The following CACNA2D3 variants were observed in gnomAD, a reference collection of about 807,000 sequenced individuals.
The protein encoded by CACNA2D3 is calcium voltage-gated channel auxiliary subunit alpha2delta 3.
Under a neutral mutation model 160.6 loss-of-function variants are expected in CACNA2D3, and 60 were observed. The observed-to-expected ratio is 0.37, with a 90% CI of 0.30 to 0.46. The LOEUF (loss-of-function observed/expected upper bound fraction) is 0.46, where lower values mean the gene tolerates loss of function less well. Ranked by LOEUF, CACNA2D3 falls within the 20% of genes least tolerant of loss-of-function variation. The probability of loss-of-function intolerance (pLI) is 1.00; values close to 1 mark genes in which losing one functional copy is unlikely to be tolerated. For missense variants in CACNA2D3, 1,205 were observed against 1,365.0 expected, an observed-to-expected ratio of 0.88 and a Z score of 1.85; for synonymous variants, 558 against 492.9, an observed-to-expected ratio of 1.13 and a Z score of -1.75.
At chr3:54,356,568 GC>G (rs1698652867) in intron 3 of CACNA2D3, among the ~76,000 whole-genome samples, 1 of 152,122 alleles carries the variant, frequency 6.6e-6, no homozygotes, top group Non-Finnish European at 1.5e-5. Context: ...AATAATGTGG[GC>G]TGGCTCACAG....
chr3:54,756,794 A>G (rs1052302427), intron 12 of CACNA2D3, among the ~76,000 whole-genome samples: 2 of 152,124 alleles, frequency 1.3e-5, no homozygotes, highest in Non-Finnish European at 2.9e-5. Flanking sequence ...GATCTCAGAC[A>G]CTTTCCTCTG....
intron 5 of CACNA2D3, among the ~76,000 whole-genome samples, chr3:54,511,452 C>T (rs1701457582): frequency 6.6e-6 from 1 of 152,112 alleles, no homozygotes; most frequent in Non-Finnish European, 1.5e-5. Context: ...TACAGGCCAT[C>T]ACAAATGGTT....
rs575086791 is a variant in CACNA2D3 at position 54,239,229 on chromosome 3, T to C, written c.205-81213T>C. Among the ~76,000 whole-genome samples, 4 of 152,296 alleles carry C rather than the reference T, an allele frequency of 2.6e-5. No individual in the cohort carries two copies. The East Asian group carries it at 5.8e-4, about 22-fold the overall frequency. On this transcript the variant is annotated intron_variant, in intron 2 of 37. Coordinates refer to ENST00000474759, the MANE Select transcript of CACNA2D3 (RefSeq NM_018398.3). ...AAGGCTCTTGAAGAACAGGAAAAAT[T>C]AGGCATTGAATTTTTGAGTTGCTTT... is the stretch of plus-strand genomic sequence containing the variant.
At chr3:54,561,421 G>A (rs757466418) in intron 5 of CACNA2D3, among the ~76,000 whole-genome samples, 42 of 152,200 alleles carry the variant, frequency 2.8e-4, no homozygotes, top group Non-Finnish European at 5.6e-4. Context: ...TTTGCACATT[G>A]ATGTTGTATC....
At chr3:54,428,830 T>A (rs1699946369) in intron 4 of CACNA2D3, among the ~76,000 whole-genome samples, 1 of 151,954 alleles carries the variant, frequency 6.6e-6, no homozygotes, top group Non-Finnish European at 1.5e-5. Flanking sequence ...TTAACATAAT[T>A]TATCTAGTTA....
At chr3:54,668,900 A>G (rs1377791351) in intron 11 of CACNA2D3, among the ~76,000 whole-genome samples, 1 of 152,240 alleles carries the variant, frequency 6.6e-6, no homozygotes, top group Non-Finnish European at 1.5e-5. Flanking sequence ...TAGCATTTTT[A>G]GATGCTGTTC....
intron 9 of CACNA2D3, among the ~76,000 whole-genome samples, chr3:54,606,038 C>G (rs1243600473): frequency 1.3e-5 from 2 of 152,052 alleles, no homozygotes; most frequent in African/African-American, 4.8e-5. Flanking sequence ...ACTATTCTTC[C>G]TTTTTCTTTA....
intron 2 of CACNA2D3, among the ~76,000 whole-genome samples, chr3:54,307,515 C>A (rs1401237134): frequency 2.0e-5 from 3 of 152,144 alleles, no homozygotes; most frequent in Non-Finnish European, 4.4e-5. Context: ...AGCGTCTCCC[C>A]ACCTTTTCAC....
intron 17 of CACNA2D3, among the ~76,000 whole-genome samples, chr3:54,869,700 G>A (rs1699480852): frequency 6.6e-6 from 1 of 152,080 alleles, no homozygotes; most frequent in Non-Finnish European, 1.5e-5. Context: ...AGTCCTCAGG[G>A]GGACACTACT....
chr3:54,695,815 A>G (rs1035309690), intron 11 of CACNA2D3, among the ~76,000 whole-genome samples: 1 of 152,208 alleles, frequency 6.6e-6, no homozygotes, highest in African/African-American at 2.4e-5. Flanking sequence ...ATAGATGGAT[A>G]TTAACTTTTG....
intron 3 of CACNA2D3, among the ~76,000 whole-genome samples, chr3:54,382,210 A>G (rs565510887): frequency 2.0e-5 from 3 of 152,204 alleles, no homozygotes; most frequent in South Asian, 4.1e-4. Context: ...TTAAAAGTAC[A>G]CTGCCTTTAT....
chr3:54,930,841 A>G (rs1038664579), intron 27 of CACNA2D3, among the ~76,000 whole-genome samples: 1 of 152,156 alleles, frequency 6.6e-6, no homozygotes, highest in Non-Finnish European at 1.5e-5. Flanking sequence ...CACGCCTGTA[A>G]TCCCAATATA....
intron 9 of CACNA2D3, among the ~76,000 whole-genome samples, chr3:54,626,898 G>T (rs1699128761): frequency 6.6e-6 from 1 of 152,122 alleles, no homozygotes; most frequent in Admixed American, 6.5e-5. Flanking sequence ...GCAGAAACGT[G>T]TGGGGTTTCG....
intron 27 of CACNA2D3, among the ~76,000 whole-genome samples, chr3:54,932,288 A>G (rs921565669): frequency 1.5e-4 from 23 of 152,342 alleles, no homozygotes; most frequent in African/African-American, 5.3e-4. Context: ...AATAGGAAGC[A>G]TATTGTATAA....
At chr3:54,324,909 C>T (rs1704089204) in intron 3 of CACNA2D3, among the ~76,000 whole-genome samples, 2 of 104,584 alleles carry the variant, frequency 1.9e-5, no homozygotes. Flanking sequence ...TTGTCTGTGT[C>T]ACAAGTCAGA....
chr3:54,679,051 A>G lies in CACNA2D3; in HGVS notation c.1167+36810A>G, dbSNP rs369163034. Among the ~76,000 whole-genome samples, 54 of 152,292 alleles carry G rather than the reference A, an allele frequency of 3.5e-4. 2 individuals carry two copies. The South Asian group carries it at 0.011, about 31-fold the overall frequency. On this transcript the variant is annotated intron_variant, in intron 11 of 37. Transcript: ENST00000474759. ...AGAACACAGAATCCAGAAGATGGGA[A>G]ACATGGTTCAAGACTTACCTGTCAG...
chr3:54,156,078 A>G (rs985981918), intron 2 of CACNA2D3, among the ~76,000 whole-genome samples: 1 of 152,288 alleles, frequency 6.6e-6, no homozygotes, highest in African/African-American at 2.4e-5. Flanking sequence ...AGACAGCTTC[A>G]TGAGTATAGG....
chr3:54,307,524 A>G (rs1195317704), intron 2 of CACNA2D3, among the ~76,000 whole-genome samples: 1 of 152,160 alleles, frequency 6.6e-6, no homozygotes, highest in African/African-American at 2.4e-5. Flanking sequence ...CCACCTTTTC[A>G]CAGAGGAAGC....
intron 2 of CACNA2D3, among the ~76,000 whole-genome samples, chr3:54,192,833 G>A (rs1347144435): frequency 6.6e-6 from 1 of 152,204 alleles, no homozygotes; most frequent in East Asian, 1.9e-4. Context: ...ACTTCAAATG[G>A]AGCAGGTATT....
Sources: gnomAD v4.1 joint callset for allele counts (sites outside exome capture counted in the v4.1 genomes callset) on GRCh38, gnomAD v4.1.1 for gene constraint, MANE v1.5 for transcripts, NCBI Gene and HGNC (gene_info 2026-07-23, HGNC 2026-07-21) for gene names.